CA12: variants seen among roughly 807,000 people sequenced by gnomAD.
The protein encoded by CA12 is carbonate dehydratase XII.
CA12 carries 36 observed loss-of-function variants against 46.8 expected under a neutral mutation model. The observed-to-expected ratio is 0.77, with a 90% CI of 0.59 to 1.02. The LOEUF (loss-of-function observed/expected upper bound fraction) is 1.02. Among genes scored for constraint, CA12 ranks in the 50% least tolerant of loss-of-function variants. The pLI, the probability that CA12 is intolerant of heterozygous loss-of-function variation, is 0.00. For synonymous variants in CA12, 202 were observed against 187.0 expected (o/e 1.08, Z -0.65); for missense variants, 436 against 451.4 (o/e 0.97, Z 0.31).
intron 8 of CA12, among the ~76,000 whole-genome samples, chr15:63,332,153 T>C (rs2038945445): frequency 6.6e-6 from 1 of 152,166 alleles, no homozygotes; most frequent in Admixed American, 6.6e-5. Flanking sequence ...CCCCTTATTA[T>C]TACACCTAAT....
At chr15:63,346,399 A>ACCCCCCCCCCCCCC in intron 3 of CA12, 131 bp downstream of exon 3, 1 of 705,626 alleles carries the variant, frequency 1.4e-6, no homozygotes. Context: ...TCTCAAAGAC[A>ACCCCCCCCCCCCCC]CCCCCGCCCC....
At chr15:63,364,332 G>GAAAAAAAAACAAA (rs2039408512) in intron 2 of CA12, among the ~76,000 whole-genome samples, 1 of 56,138 alleles carries the variant, frequency 1.8e-5, no homozygotes, top group Non-Finnish European at 3.0e-5. Context: ...CCCGTCACTA[G>GAAAAAAAAACAAA]AAAAAAAAAA....
In CA12 at chr15:63,326,265, G is replaced by T. The variant is rs1349567288; in HGVS notation, c.*20C>A. ...CCAAAGCAAGGTCCTTCCTGGATGT[G>T]CCCGGGAGCTCCGGGGACCTCAAGC... is the stretch of plus-strand genomic sequence containing the variant. On this transcript the variant is annotated 3_prime_UTR_variant, in exon 11 of 11. Transcript: ENST00000178638. 2 of 1,606,768 alleles carry T rather than the reference G, an allele frequency of 1.2e-6. No homozygotes were observed. Among genetic ancestry groups the T allele is most frequent in the African/African-American group, 2.7e-5 (2 of 74,744 alleles).
chr15:63,342,128 G>T, intron 4 of CA12, 31 bp from the exon 5 acceptor site: 3 of 1,395,712 alleles, frequency 2.1e-6, no homozygotes, highest in Non-Finnish European at 1.0e-6. Context: ...CCCATTAGGA[G>T]ATAAGCGACT....
Position 63,325,287 on chromosome 15 carries a change from C to G in CA12, c.*998G>C, listed in dbSNP as rs2038851036. On this transcript the variant is annotated 3_prime_UTR_variant, in exon 11 of 11. Transcript: ENST00000178638. The surrounding 1 kb of genome is among the most constrained non-coding windows in gnomAD (Gnocchi z 4.9). Reference sequence around the variant, plus strand: ...GCCTACAGAGAATAAGTTCTACAGTCATTTTGTTTCTGCCTATTTCCTCCA... The same window carrying G: ...GCCTACAGAGAATAAGTTCTACAGTGATTTTGTTTCTGCCTATTTCCTCCA... The G allele has an allele frequency of 6.6e-6, 1 of 152,150 alleles. No individual in the cohort carries two copies. The highest frequency in any genetic ancestry group is 2.4e-5 in the African/African-American group (1 of 41,434). 9.4% of individuals were successfully genotyped at this position (152,150 alleles called of 1,614,324 possible).
intron 2 of CA12, among the ~76,000 whole-genome samples, chr15:63,356,118 C>G (rs2039292469): frequency 6.6e-6 from 1 of 152,156 alleles, no homozygotes; most frequent in Middle Eastern, 3.2e-3. Flanking sequence ...GTCGGCCGGG[C>G]ACGGTGGCTC....
intron 10 of CA12, 50 bp from the exon 11 acceptor site, chr15:63,326,407 C>T: frequency 6.8e-7 from 1 of 1,470,978 alleles, no homozygotes. Flanking sequence ...AGCGAGCGAG[C>T]CAGAGAGCAG....
chr15:63,332,797 C>G (rs1201263613), intron 8 of CA12, among the ~76,000 whole-genome samples: 2 of 152,142 alleles, frequency 1.3e-5, no homozygotes, highest in African/African-American at 2.4e-5. Context: ...AGAGAAGACA[C>G]TGAGGAGGGG....
intron 8 of CA12, among the ~76,000 whole-genome samples, chr15:63,335,491 T>A (rs2038990345): frequency 6.6e-6 from 1 of 151,436 alleles, no homozygotes; most frequent in South Asian, 2.1e-4. Flanking sequence ...AGAGACAGGG[T>A]CTCACTCTGT....
rs544053004 is a variant in CA12, at chr15:63,331,390, T to C, written c.875-3260A>G. Among the ~76,000 whole-genome samples the C allele has an allele frequency of 6.6e-6, 1 of 152,228 alleles. No individual in the cohort carries two copies. Among genetic ancestry groups the C allele is most frequent in the East Asian group, 1.9e-4 (1 of 5,176 alleles). On this transcript the variant is annotated intron_variant, in intron 8 of 10. Coordinates refer to ENST00000178638, the MANE Select transcript of CA12 (RefSeq NM_001218.5). The surrounding 1 kb of genome is among the most constrained non-coding windows in gnomAD (Gnocchi z 5.3). ...GAGGGGCAGAACTAGAGAAATTCAC[T>C]TTCAGGTTAAAGAAATGGTTTGTTT...
rs933425925 is a variant in CA12 at position 63,323,458 on chromosome 15, A to G, written c.*2827T>C. ...ATTCTGATTAGTTACCTATCCCCAT[A>G]ACAGGGAGCTACAGAGTGCTTTGCA... On this transcript the variant is annotated 3_prime_UTR_variant, in exon 11 of 11. Transcript: ENST00000178638. This position sits in a 1 kb window ranked among gnomAD's most constrained non-coding sequence, Gnocchi z 5.1. 6.6e-6 allele frequency: 1 copy of G among 152,474 alleles called. No homozygotes were observed. The highest frequency in any genetic ancestry group is 2.4e-5 in the African/African-American group (1 of 41,428). 9.4% of individuals were successfully genotyped at this position (152,474 alleles called of 1,614,324 possible).
intron 10 of CA12, among the ~76,000 whole-genome samples, chr15:63,326,776 T>C (rs2038872465): frequency 6.6e-6 from 1 of 152,256 alleles, no homozygotes; most frequent in Admixed American, 6.5e-5. Context: ...CAGGTTTTCC[T>C]TCATCTTTCT....
rs572669395 is a variant in CA12, at chr15:63,348,133, C to T, written c.107-1424G>A. ...TACTTCTAGGTCCGGACACACACAT[C>T]GGAACCCTACTGATTTTTCAGGCTG... On this transcript the variant is annotated intron_variant, in intron 2 of 10. Coordinates refer to ENST00000178638, the MANE Select transcript of CA12 (RefSeq NM_001218.5). This position sits in a 1 kb window ranked among gnomAD's most constrained non-coding sequence, Gnocchi z 4.6. 3.9e-5 allele frequency among the ~76,000 whole-genome samples: 6 copies of T among 152,274 alleles called. No homozygotes were observed. The highest frequency in any genetic ancestry group is 7.4e-5 in the Non-Finnish European group (5 of 68,026).
In CA12 at chr15:63,340,366, C is replaced by T; in HGVS notation, c.669G>A (p.Gly223=). The change falls in exon 7 of 11, where the codon GGG becomes GGA. Residue 223 remains glycine, a synonymous_variant. Coordinates refer to ENST00000178638, the MANE Select transcript of CA12 (RefSeq NM_001218.5). The surrounding 1 kb of genome is among the most constrained non-coding windows in gnomAD (Gnocchi z 4.4). ...GGTTGCAAGGGGGTGTGGTCAGGGA[C>T]CCCCGGTAGCGGTAATATTCAGCGG... ...ERTAEYYRYR[G]SLTTPPCNPT... 1 of 1,614,112 alleles carries T rather than the reference C, an allele frequency of 6.2e-7. No homozygotes were observed. The highest frequency in any genetic ancestry group is 1.1e-5 in the South Asian group (1 of 91,082).
At chr15:63,333,217 G>A (rs2038957955) in intron 8 of CA12, among the ~76,000 whole-genome samples, 1 of 152,248 alleles carries the variant, frequency 6.6e-6, no homozygotes, top group Admixed American at 6.5e-5. Context: ...TAAGAGGGCA[G>A]GGATGGGGCT....
intron 8 of CA12, among the ~76,000 whole-genome samples, chr15:63,333,463 C>T (rs2038961194): frequency 1.3e-5 from 2 of 152,252 alleles, no homozygotes; most frequent in Non-Finnish European, 2.9e-5. Flanking sequence ...CACTTCTTAG[C>T]ACCTTGGACC....
chr15:63,352,634 A>C (rs1273899625), intron 2 of CA12, among the ~76,000 whole-genome samples: 1 of 152,178 alleles, frequency 6.6e-6, no homozygotes, highest in Non-Finnish European at 1.5e-5. Context: ...TCCAGGGTAC[A>C]TCTCTTTGGG....
Position 63,346,633 on chromosome 15 carries a change from G to C in CA12, c.183C>G (p.His61Gln). 1 of 1,613,828 alleles carries C rather than the reference G, an allele frequency of 6.2e-7. No individual in the cohort carries two copies. Among genetic ancestry groups the C allele is most frequent in the East Asian group, 2.2e-5 (1 of 44,834 alleles). ...GGLLQSPIDL[H>Q]SDILQYDASL... ...TGGCGTCATACTGGAGGATGTCACT[G>C]TGCAGGTCTATGGGGGACTGCAGCA... Residue 61 changes from histidine to glutamine, a missense_variant, in exon 3 of 11, where the codon CAC becomes CAG. Coordinates refer to ENST00000178638, the MANE Select transcript of CA12 (RefSeq NM_001218.5).
intron 1 of CA12, among the ~76,000 whole-genome samples, chr15:63,379,566 A>G (rs1595796515): frequency 6.6e-6 from 1 of 152,204 alleles, no homozygotes; most frequent in Non-Finnish European, 1.5e-5. Flanking sequence ...TTCCTTCCCA[A>G]GGAAGGTTAT....
Sources: gnomAD v4.1 joint callset for allele counts (sites outside exome capture counted in the v4.1 genomes callset) on GRCh38, gnomAD v4.1.1 for gene constraint, Gnocchi (gnomAD v3.1) non-coding constraint, MANE v1.5 for transcripts, NCBI Gene and HGNC (gene_info 2026-07-23, HGNC 2026-07-21) for gene names.